The following TRPC4 variants were observed in gnomAD, a reference collection of about 807,000 sequenced individuals.
TRPC4 encodes short transient receptor potential channel 4.
TRPC4 carries 49 observed loss-of-function variants against 99.4 expected under a neutral mutation model. The observed-to-expected ratio is 0.49, with a 90% CI of 0.39 to 0.63. TRPC4 has a LOEUF of 0.63. Among genes scored for constraint, TRPC4 ranks in the 20% least tolerant of loss-of-function variants. The pLI is 0.00. For synonymous variants in TRPC4, 454 were observed against 425.9 expected (o/e 1.07, Z -0.81); for missense variants, 898 against 1,152.9 (o/e 0.78, Z 3.20).
At chr13:37,812,837 A>G (rs932588234) in intron 1 of TRPC4, among the ~76,000 whole-genome samples, 15 of 152,132 alleles carry the variant, frequency 9.9e-5, no homozygotes, top group African/African-American at 3.1e-4. Context: ...TCTTAAAATC[A>G]TAGACAAAGA....
Position 37,674,239 on chromosome 13 carries a change from C to A in TRPC4, c.1363G>T (p.Ala455Ser). ...TAAATAATAGTTACCTTTACAAATG[C>A]AACAATTTTCAAGGAGATTGTTGCT... ...YLATISLKIVAFVKYSALNPR... is the reference protein window; with the variant it reads ...YLATISLKIVSFVKYSALNPR... Residue 455 changes from alanine to serine, a missense_variant, in exon 5 of 11, where the codon GCA becomes TCA. This residue lies in a region of TRPC4 where 274 missense variants were observed against 454.9 expected (regional missense o/e 0.60). Coordinates refer to ENST00000379705, the MANE Select transcript of TRPC4 (RefSeq NM_016179.4). 1 of 1,584,472 alleles carries A rather than the reference C, an allele frequency of 6.3e-7. No individual in the cohort carries two copies. Among genetic ancestry groups the A allele is most frequent in the Non-Finnish European group, 8.6e-7 (1 of 1,167,904 alleles).
At chr13:37,687,240 G>GGT (rs1344936091) in intron 4 of TRPC4, among the ~76,000 whole-genome samples, 1 of 152,112 alleles carries the variant, frequency 6.6e-6, no homozygotes, top group African/African-American at 2.4e-5. Flanking sequence ...TGGGATTATA[G>GGT]GTGTGAGCCA....
At chr13:37,691,251 G>A (rs1447482033) in intron 4 of TRPC4, among the ~76,000 whole-genome samples, 5 of 152,000 alleles carry the variant, frequency 3.3e-5, no homozygotes, top group African/African-American at 4.8e-5. Context: ...ACAGGCGCCC[G>A]CCACCACGCC....
intron 3 of TRPC4, among the ~76,000 whole-genome samples, chr13:37,739,075 A>G (rs975770621): frequency 5.9e-5 from 9 of 152,232 alleles, no homozygotes; most frequent in African/African-American, 1.9e-4. Context: ...CAACTGGAGA[A>G]GCAAAATGTG....
intron 3 of TRPC4, among the ~76,000 whole-genome samples, chr13:37,698,018 G>T (rs1199110065): frequency 6.6e-6 from 1 of 151,828 alleles, no homozygotes; most frequent in East Asian, 1.9e-4. Flanking sequence ...GCCATACAGT[G>T]GTGGTTCTCA....
intron 1 of TRPC4, among the ~76,000 whole-genome samples, chr13:37,854,306 C>A (rs568985922): frequency 6.6e-6 from 1 of 152,164 alleles, no homozygotes; most frequent in East Asian, 1.9e-4. Flanking sequence ...ATAAAATTAT[C>A]CTAGAATAGT....
intron 2 of TRPC4, among the ~76,000 whole-genome samples, chr13:37,749,119 G>GCT (rs1003338236): frequency 2.2e-4 from 33 of 151,654 alleles, no homozygotes; most frequent in South Asian, 1.9e-3. Context: ...CCCCTTTCTT[G>GCT]CTCTCTCTCT....
chr13:37,849,972 G>A (rs1342239296), intron 1 of TRPC4, among the ~76,000 whole-genome samples: 1 of 152,172 alleles, frequency 6.6e-6, no homozygotes, highest in East Asian at 1.9e-4. Context: ...TTAACCATAA[G>A]CTGCAACAAT....
intron 8 of TRPC4, among the ~76,000 whole-genome samples, chr13:37,649,559 C>A (rs1309913334): frequency 6.6e-6 from 1 of 151,562 alleles, no homozygotes; most frequent in African/African-American, 2.4e-5. Context: ...ATGATGAAAC[C>A]CCGTCTCTAC....
rs1338338056 is a variant in TRPC4 at position 37,634,371 on chromosome 13, A to G, written c.*2532T>C. ...ATTCAATTCTAGTGATATTAGTAAC[A>G]TCGGGTACTAATAATATCCAGCACT... On this transcript the variant is annotated 3_prime_UTR_variant, in exon 11 of 11. Coordinates refer to ENST00000379705, the MANE Select transcript of TRPC4 (RefSeq NM_016179.4). Among the ~76,000 whole-genome samples the G allele has an allele frequency of 6.6e-6, 1 of 152,118 alleles. No homozygotes were observed. Among genetic ancestry groups the G allele is most frequent in the African/African-American group, 2.4e-5 (1 of 41,448 alleles).
intron 2 of TRPC4, among the ~76,000 whole-genome samples, chr13:37,776,319 C>G (rs1368582236): frequency 6.6e-6 from 1 of 151,822 alleles, no homozygotes; most frequent in Admixed American, 6.6e-5. Context: ...GTCTAAGAAA[C>G]TTTCCTATTG....
At chr13:37,747,405 G>T (rs1374932476) in intron 2 of TRPC4, among the ~76,000 whole-genome samples, 2 of 152,158 alleles carry the variant, frequency 1.3e-5, no homozygotes, top group African/African-American at 4.8e-5. Flanking sequence ...GAATTGCACT[G>T]CACTATGTTG....
At chr13:37,820,438 T>A (rs1294018779) in intron 1 of TRPC4, among the ~76,000 whole-genome samples, 1 of 152,082 alleles carries the variant, frequency 6.6e-6, no homozygotes, top group East Asian at 1.9e-4. Context: ...ACTCATTCTA[T>A]GACGCCAGAA....
At chr13:37,722,742 T>C (rs1954916156) in intron 3 of TRPC4, among the ~76,000 whole-genome samples, 1 of 152,158 alleles carries the variant, frequency 6.6e-6, no homozygotes, top group South Asian at 2.1e-4. Flanking sequence ...TAACAACTAT[T>C]GTTTCAATTT....
chr13:37,642,406 T>C (rs1951742596), intron 8 of TRPC4, among the ~76,000 whole-genome samples: 1 of 152,146 alleles, frequency 6.6e-6, no homozygotes, highest in African/African-American at 2.4e-5. Flanking sequence ...AACATGTCGC[T>C]ACTGAGAAGC....
chr13:37,785,748 G>T (rs987545578), intron 1 of TRPC4, among the ~76,000 whole-genome samples: 1 of 151,906 alleles, frequency 6.6e-6, no homozygotes, highest in African/African-American at 2.4e-5. Context: ...TAAAGAATTA[G>T]GTAGAGAACA....
intron 3 of TRPC4, among the ~76,000 whole-genome samples, chr13:37,712,891 A>T (rs1954531497): frequency 6.6e-6 from 1 of 152,106 alleles, no homozygotes. Context: ...CAAAAGAGAA[A>T]GAAATGCATG....
chr13:37,731,737 A>T (rs1955245490), intron 3 of TRPC4, among the ~76,000 whole-genome samples: 2 of 152,226 alleles, frequency 1.3e-5, no homozygotes, highest in Middle Eastern at 3.4e-3. Context: ...TATGTCAAAT[A>T]TTCCTTTCAT....
At chr13:37,812,245 C>A (rs1040957562) in intron 1 of TRPC4, among the ~76,000 whole-genome samples, 1 of 137,772 alleles carries the variant, frequency 7.3e-6, no homozygotes, top group Non-Finnish European at 1.5e-5. Context: ...TAGAACATAA[C>A]TCAAGATTAT....
Sources: gnomAD v4.1 joint callset for allele counts (sites outside exome capture counted in the v4.1 genomes callset) on GRCh38, gnomAD v4.1.1 for gene constraint, gnomAD v4.1.1 regional missense constraint, MANE v1.5 for transcripts, NCBI Gene and HGNC (gene_info 2026-07-23, HGNC 2026-07-21) for gene names.